KCNH1: variants seen among roughly 807,000 people sequenced by gnomAD.
KCNH1 encodes the protein voltage-gated delayed rectifier potassium channel KCNH1.
In KCNH1, 27 loss-of-function variants were observed where a neutral mutation model predicts 69.2. The observed-to-expected ratio is 0.39, with a 90% CI of 0.29 to 0.54. The LOEUF (loss-of-function observed/expected upper bound fraction) is 0.54. Among genes scored for constraint, KCNH1 ranks in the 20% least tolerant of loss-of-function variants. The probability of loss-of-function intolerance (pLI) is 0.68; values close to 1 mark genes in which losing one functional copy is unlikely to be tolerated. For missense variants in KCNH1, 798 were observed against 1,261.6 expected, an observed-to-expected ratio of 0.63 and a Z score of 5.57; for synonymous variants, 456 against 487.7, an observed-to-expected ratio of 0.93 and a Z score of 0.86.
In KCNH1 at chr1:210,816,079, C is replaced by T. The variant is rs80302396; in HGVS notation, c.1463-11913G>A. ...AGCGGCGAGCGATTAACCTGCATTTCGGTTACACCAGCACTATCCCCTCAT... is the reference window on the plus strand; with the variant it reads ...AGCGGCGAGCGATTAACCTGCATTTTGGTTACACCAGCACTATCCCCTCAT... On this transcript the variant is annotated intron_variant, in intron 7 of 10. Coordinates refer to ENST00000271751, the MANE Select transcript of KCNH1 (RefSeq NM_172362.3). Among the ~76,000 whole-genome samples the T allele has an allele frequency of 6.1e-3, 930 of 152,272 alleles. 16 individuals are homozygous for T. The highest frequency in any genetic ancestry group is 0.022 in the African/African-American group (895 of 41,554).
intron 6 of KCNH1, among the ~76,000 whole-genome samples, chr1:210,975,880 C>T (rs1038558809): frequency 1.3e-5 from 2 of 152,126 alleles, no homozygotes; most frequent in Non-Finnish European, 2.9e-5. Context: ...CCAGAATCTA[C>T]AAAGAACTCA....
intron 10 of KCNH1, among the ~76,000 whole-genome samples, chr1:210,739,951 G>A (rs890591996): frequency 6.6e-6 from 1 of 152,012 alleles, no homozygotes; most frequent in Non-Finnish European, 1.5e-5. Flanking sequence ...CAGTCCTAAA[G>A]GTCAATCCAA....
chr1:211,093,694 C>T (rs1015268974), intron 3 of KCNH1, among the ~76,000 whole-genome samples: 4 of 152,176 alleles, frequency 2.6e-5, no homozygotes, highest in Non-Finnish European at 5.9e-5. Flanking sequence ...TAGAGTTCAT[C>T]TTGAGCTAAA....
intron 9 of KCNH1, among the ~76,000 whole-genome samples, chr1:210,784,204 A>C (rs1684048710): frequency 6.6e-6 from 1 of 152,254 alleles, no homozygotes; most frequent in Non-Finnish European, 1.5e-5. Flanking sequence ...TGAACACTTA[A>C]TAACTCTCTC....
At chr1:210,767,834 T>C (rs1683668894) in intron 10 of KCNH1, among the ~76,000 whole-genome samples, 1 of 152,232 alleles carries the variant, frequency 6.6e-6, no homozygotes, top group African/African-American at 2.4e-5. Context: ...TAATTTGTGG[T>C]AAACACTGTA....
intron 7 of KCNH1, among the ~76,000 whole-genome samples, chr1:210,912,648 A>G (rs1435171817): frequency 6.6e-6 from 1 of 152,216 alleles, no homozygotes; most frequent in East Asian, 1.9e-4. Flanking sequence ...TCTGCATGGA[A>G]GCACTAGGCT....
At chr1:210,844,697 C>T (rs12759983) in intron 7 of KCNH1, among the ~76,000 whole-genome samples, 41 of 151,986 alleles carry the variant, frequency 2.7e-4, no homozygotes, top group African/African-American at 7.0e-4. Flanking sequence ...CACATTCAAA[C>T]GCTAGCAGAA....
intron 7 of KCNH1, among the ~76,000 whole-genome samples, chr1:210,847,755 TAAATAA>T (rs960182249): frequency 6.7e-6 from 1 of 148,168 alleles, no homozygotes; most frequent in African/African-American, 2.5e-5. Flanking sequence ...AAAAAATAAA[TAAATAA>T]AAATAAAGAT....
chr1:210,870,446 T>C (rs764164456), intron 7 of KCNH1, among the ~76,000 whole-genome samples: 22 of 152,144 alleles, frequency 1.4e-4, no homozygotes, highest in Non-Finnish European at 2.2e-4. Flanking sequence ...CATGGTACTC[T>C]CCCAGCTGAG....
intron 10 of KCNH1, among the ~76,000 whole-genome samples, chr1:210,696,158 G>A (rs997422002): frequency 6.6e-6 from 1 of 152,172 alleles, no homozygotes; most frequent in East Asian, 1.9e-4. Context: ...CTTCCCAGAA[G>A]TCTGGGGAGT....
At chr1:211,057,757 C>T (rs574692736) in intron 5 of KCNH1, among the ~76,000 whole-genome samples, 16 of 151,762 alleles carry the variant, frequency 1.1e-4, no homozygotes, top group Non-Finnish European at 2.2e-4. Context: ...AGTTATTGGC[C>T]TTAAAGAGGA....
At chr1:210,783,695 C>G (rs1341470824) in intron 9 of KCNH1, among the ~76,000 whole-genome samples, 2 of 152,204 alleles carry the variant, frequency 1.3e-5, no homozygotes, top group Non-Finnish European at 2.9e-5. Flanking sequence ...ACGTATCACA[C>G]TAGGAGGAGG....
chr1:210,768,844 T>C (rs1683693534), intron 10 of KCNH1, among the ~76,000 whole-genome samples: 1 of 152,244 alleles, frequency 6.6e-6, no homozygotes, highest in Non-Finnish European at 1.5e-5. Flanking sequence ...TTCTGCTAAA[T>C]GTTCTCGGGG....
intron 7 of KCNH1, among the ~76,000 whole-genome samples, chr1:210,848,033 G>A (rs1685599382): frequency 6.6e-6 from 1 of 152,172 alleles, no homozygotes; most frequent in African/African-American, 2.4e-5. Flanking sequence ...TGTGTTGAAA[G>A]TTGATAATGT....
intron 7 of KCNH1, chr1:210,859,858 T>C (rs536864566): frequency 7.6e-5 from 89 of 1,169,488 alleles, no homozygotes; most frequent in South Asian, 4.6e-4. Flanking sequence ...GGTTCAACAT[T>C]ATTAGGGAAG....
intron 7 of KCNH1, among the ~76,000 whole-genome samples, chr1:210,839,500 G>A (rs1049889695): frequency 7.9e-5 from 12 of 152,164 alleles, no homozygotes; most frequent in African/African-American, 2.9e-4. Flanking sequence ...CCTGGGTGAT[G>A]GGATGATCTG....
chr1:210,991,820 ATTAGCCC>A (rs1166455792), intron 6 of KCNH1, among the ~76,000 whole-genome samples: 1 of 152,198 alleles, frequency 6.6e-6, no homozygotes, highest in East Asian at 1.9e-4. Context: ...AGAAAGCAGA[ATTAGCCC>A]TTAGCACTGC....
intron 5 of KCNH1, among the ~76,000 whole-genome samples, chr1:211,054,076 C>A (rs1440070790): frequency 4.6e-5 from 7 of 151,710 alleles, no homozygotes; most frequent in African/African-American, 1.5e-4. Context: ...TCAAGACCAG[C>A]CTGGCCAACA....
intron 10 of KCNH1, among the ~76,000 whole-genome samples, chr1:210,764,606 G>C (rs1263223027): frequency 1.3e-5 from 2 of 152,032 alleles, no homozygotes; most frequent in Non-Finnish European, 2.9e-5. Context: ...CAAGAAACAT[G>C]AAAAAATGTT....
Sources: allele counts gnomAD v4.1 joint callset (sites outside exome capture counted in the v4.1 genomes callset), GRCh38; gene constraint gnomAD v4.1.1; transcripts MANE v1.5; gene names NCBI Gene and HGNC (gene_info 2026-07-23, HGNC 2026-07-21).